Variants in CASD1 observed in about 807,000 individuals in gnomAD.
CASD1 encodes N-acetylneuraminate (7)9-O-acetyltransferase.
Under a neutral mutation model 100.0 loss-of-function variants are expected in CASD1, and 41 were observed. The observed-to-expected ratio is 0.41, with a 90% CI of 0.32 to 0.53. The LOEUF (loss-of-function observed/expected upper bound fraction) is 0.53, where lower values mean the gene tolerates loss of function less well. Among genes scored for constraint, CASD1 ranks in the 20% least tolerant of loss-of-function variants. The probability of loss-of-function intolerance (pLI) is 0.25; values close to 1 mark genes in which losing one functional copy is unlikely to be tolerated. For missense variants in CASD1, 774 were observed against 948.7 expected (o/e 0.82, Z 2.42); for synonymous variants, 321 against 315.6 (o/e 1.02, Z -0.18).
chr7:94,583,671 G>T, the CASD1 span, among the ~76,000 whole-genome samples: 2 of 152,202 alleles, frequency 1.3e-5, no homozygotes, highest in East Asian at 3.9e-4. Context: ...GAGTTTACTG[G>T]AATTGCTGAA....
chr7:94,598,913 C>T, the CASD1 span: 33 of 1,613,686 alleles, frequency 2.0e-5, no homozygotes, highest in African/African-American at 2.7e-5. Context: ...GGACATGTCT[C>T]GAAGCTCCTT....
chr7:94,510,194 A>G lies in CASD1; in HGVS notation c.110A>G (p.His37Arg), dbSNP rs878884465. 1.3e-6 allele frequency: 2 copies of G among 1,488,106 alleles called. No individual in the cohort carries two copies. Among genetic ancestry groups the G allele is most frequent in the East Asian group, 5.3e-5 (2 of 37,460 alleles). 92.2% of individuals were successfully genotyped at this position (1,488,106 alleles called of 1,614,324 possible). ...LVAVLLLAAC[H>R]LASRRYRGND... ...GCCGTGCTGCTGCTCGCAGCGTGCC[A>G]CCTCGCCTCCCGCCGCTACCGAGGT... The change falls in exon 1 of 18, where the codon CAC becomes CGC. Residue 37 changes from histidine to arginine, a missense_variant. His to Arg is a conservative substitution (Grantham distance 29). Coordinates refer to ENST00000297273, the MANE Select transcript of CASD1 (RefSeq NM_022900.5).
chr7:94,559,768 C>T (rs1796311360), downstream of CASD1, among the ~76,000 whole-genome samples: 1 of 152,114 alleles, frequency 6.6e-6, no homozygotes, highest in South Asian at 2.1e-4. Flanking sequence ...TCAGGTGATC[C>T]ACCTTCCTCG....
chr7:94,524,024 T>A (rs1418987171), intron 3 of CASD1, among the ~76,000 whole-genome samples: 1 of 152,070 alleles, frequency 6.6e-6, no homozygotes, highest in Non-Finnish European at 1.5e-5. Flanking sequence ...CCTCACACCA[T>A]CTAGTAAAAT....
chr7:94,511,531 C>A (rs1793705830), intron 1 of CASD1, among the ~76,000 whole-genome samples: 1 of 152,156 alleles, frequency 6.6e-6, no homozygotes, highest in South Asian at 2.1e-4. Flanking sequence ...AGATCACAGC[C>A]ATACGACCTT....
chr7:94,522,639 G>A (rs1794339962), intron 3 of CASD1, among the ~76,000 whole-genome samples: 1 of 151,878 alleles, frequency 6.6e-6, no homozygotes, highest in Non-Finnish European at 1.5e-5. Flanking sequence ...AGCACGCGTG[G>A]AACTTTTTAA....
the CASD1 span, chr7:94,588,610 T>C: frequency 3.9e-6 from 6 of 1,553,540 alleles, no homozygotes; most frequent in Non-Finnish European, 4.4e-6. Context: ...TAAAGCTTCA[T>C]AAATTATATA....
At chr7:94,598,914 G>A in the CASD1 span, 4 of 1,613,714 alleles carry the variant, frequency 2.5e-6, no homozygotes, top group African/African-American at 1.3e-5. Flanking sequence ...GACATGTCTC[G>A]AAGCTCCTTG....
chr7:94,515,167 G>A lies in CASD1; in HGVS notation c.134-2393G>A, dbSNP rs1584372891. Among the ~76,000 whole-genome samples the A allele has an allele frequency of 3.9e-5, 6 of 152,044 alleles. No homozygotes were observed. The South Asian group carries it at 1.2e-3, about 32-fold the overall frequency. On this transcript the variant is annotated intron_variant, in intron 1 of 17. Transcript: ENST00000297273. ...TTAGCAATCCTTTATATTAGATTCT[G>A]GTAAAATAACTGGTACATTTCCTGT...
At chr7:94,587,094 C>T in the CASD1 span, 5 of 984,636 alleles carry the variant, frequency 5.1e-6, no homozygotes, top group East Asian at 4.5e-4. Flanking sequence ...AAATCTGTTT[C>T]AGAAAAATAA....
intron 1 of CASD1, among the ~76,000 whole-genome samples, chr7:94,517,050 T>C (rs998766559): frequency 6.6e-6 from 1 of 152,048 alleles, no homozygotes; most frequent in Non-Finnish European, 1.5e-5. Flanking sequence ...ACTACAGATG[T>C]GTGCCACCAC....
intron 3 of CASD1, among the ~76,000 whole-genome samples, chr7:94,525,751 C>T (rs1255446491): frequency 2.0e-5 from 3 of 152,216 alleles, no homozygotes; most frequent in African/African-American, 4.8e-5. Context: ...CTAATAGTCT[C>T]GAGACTCCTT....
chr7:94,629,359 A>C, the CASD1 span: 1 of 201,614 alleles, frequency 5.0e-6, no homozygotes, highest in Admixed American at 5.5e-5. Flanking sequence ...TCTCCTCTAC[A>C]ACATATGTAT....
chr7:94,632,639 AAAT>A, the CASD1 span, among the ~76,000 whole-genome samples: 1 of 152,100 alleles, frequency 6.6e-6, no homozygotes, highest in Non-Finnish European at 1.5e-5. Flanking sequence ...TTGTTTGTAA[AAAT>A]AATACTTCCT....
the CASD1 span, among the ~76,000 whole-genome samples, chr7:94,584,482 G>A: frequency 6.6e-6 from 1 of 152,180 alleles, no homozygotes; most frequent in African/African-American, 2.4e-5. Flanking sequence ...GAAGAGGGAG[G>A]TTCTAATGTC....
At chr7:94,633,839 A>G in the CASD1 span, among the ~76,000 whole-genome samples, 9 of 152,290 alleles carry the variant, frequency 5.9e-5, no homozygotes, top group South Asian at 2.1e-4. Context: ...TAACTTCACA[A>G]TTCTCACAAT....
intron 1 of CASD1, among the ~76,000 whole-genome samples, chr7:94,515,231 A>G (rs1793916728): frequency 6.6e-6 from 1 of 152,106 alleles, no homozygotes; most frequent in East Asian, 1.9e-4. Flanking sequence ...ACAGACACAC[A>G]TGGATTAATT....
At chr7:94,600,863 A>G in the CASD1 span, 5 of 1,600,850 alleles carry the variant, frequency 3.1e-6, no homozygotes, top group Admixed American at 5.0e-5. Context: ...TCAACCTGAT[A>G]TAAAAGAAGA....
the CASD1 span, among the ~76,000 whole-genome samples, chr7:94,595,603 C>T: frequency 6.6e-6 from 1 of 152,018 alleles, no homozygotes; most frequent in Non-Finnish European, 1.5e-5. Context: ...TATAATATCA[C>T]ATTTTAATCT....
Sources: gnomAD v4.1 joint callset for allele counts (sites outside exome capture counted in the v4.1 genomes callset) on GRCh38, gnomAD v4.1.1 for gene constraint, MANE v1.5 for transcripts, NCBI Gene and HGNC (gene_info 2026-07-23, HGNC 2026-07-21) for gene names.